The following RBFOX1 variants were observed in gnomAD, a reference collection of about 807,000 sequenced individuals.
RBFOX1 encodes the protein RNA binding fox-1 homolog 1.
Under a neutral mutation model 57.7 loss-of-function variants are expected in RBFOX1, and 8 were observed. The ratio of observed to expected loss-of-function variants is 0.14; its 90% confidence interval spans 0.08 to 0.25. RBFOX1 has a LOEUF of 0.25. Among genes scored for constraint, RBFOX1 ranks in the 10% least tolerant of loss-of-function variants. RBFOX1 has a pLI of 1.00. For synonymous variants in RBFOX1, 326 were observed against 222.4 expected (o/e 1.47, Z -4.15); for missense variants, 611 against 548.5 (o/e 1.11, Z -1.14).
At chr16:7,229,106 G>A (rs984215681) in intron 4 of RBFOX1, among the ~76,000 whole-genome samples, 1 of 152,098 alleles carries the variant, frequency 6.6e-6, no homozygotes. Flanking sequence ...CACTCTGAAA[G>A]GTCAGAACAA....
At chr16:6,536,592 G>A (rs566150411) in intron 2 of RBFOX1, among the ~76,000 whole-genome samples, 18 of 151,606 alleles carry the variant, frequency 1.2e-4, no homozygotes, top group Admixed American at 1.1e-3. Flanking sequence ...TTCTGTTCTT[G>A]AAGTGTGATA....
chr16:7,445,411 G>C (rs2098800399), intron 4 of RBFOX1, among the ~76,000 whole-genome samples: 1 of 152,146 alleles, frequency 6.6e-6, no homozygotes, highest in East Asian at 1.9e-4. Flanking sequence ...GGAAATGAAA[G>C]TAGGAATCAC....
chr16:7,566,731 A>C (rs902319440), intron 5 of RBFOX1, among the ~76,000 whole-genome samples: 4 of 152,130 alleles, frequency 2.6e-5, no homozygotes, highest in Admixed American at 2.6e-4. Flanking sequence ...ATTCAGCATC[A>C]GTGATAGCCG....
At chr16:6,413,255 G>A (rs2093520819) in intron 2 of RBFOX1, among the ~76,000 whole-genome samples, 1 of 150,514 alleles carries the variant, frequency 6.6e-6, no homozygotes. Context: ...GAAGGCAGAG[G>A]TTGTGGTGAG....
At chr16:6,827,284 G>T (rs548017092) in intron 3 of RBFOX1, among the ~76,000 whole-genome samples, 5 of 151,982 alleles carry the variant, frequency 3.3e-5, no homozygotes, top group East Asian at 3.9e-4. Flanking sequence ...GGTTGAAAGT[G>T]CTGTCCTCCA....
At chr16:7,507,233 C>G (rs570806060) in intron 4 of RBFOX1, among the ~76,000 whole-genome samples, 2 of 152,168 alleles carry the variant, frequency 1.3e-5, no homozygotes, top group Admixed American at 6.5e-5. Flanking sequence ...TATTTTTACC[C>G]CAATTCATAA....
chr16:5,772,653 C>A (rs1182397778), intron 3 of RBFOX1, among the ~76,000 whole-genome samples: 1 of 152,088 alleles, frequency 6.6e-6, no homozygotes, highest in Non-Finnish European at 1.5e-5. Flanking sequence ...CTGGAAGAAA[C>A]AGGCAGCTAG....
intron 14 of RBFOX1, among the ~76,000 whole-genome samples, chr16:7,702,031 G>A (rs750691815): frequency 3.9e-5 from 6 of 152,286 alleles, no homozygotes; most frequent in South Asian, 2.1e-4. Context: ...CCTGCATAGT[G>A]CACTGAGATA....
At chr16:7,248,686 G>A (rs1481173922) in intron 4 of RBFOX1, among the ~76,000 whole-genome samples, 2 of 152,114 alleles carry the variant, frequency 1.3e-5, no homozygotes, top group Admixed American at 1.3e-4. Context: ...CTGCAGATAA[G>A]CACCAAGAAA....
intron 3 of RBFOX1, among the ~76,000 whole-genome samples, chr16:6,828,210 C>T (rs1014447154): frequency 1.3e-5 from 2 of 152,050 alleles, no homozygotes; most frequent in African/African-American, 2.4e-5. Flanking sequence ...AAGTGAGAAA[C>T]AATACAGGTA....
At chr16:7,050,416 C>A (rs2049634347) in intron 3 of RBFOX1, among the ~76,000 whole-genome samples, 1 of 152,018 alleles carries the variant, frequency 6.6e-6, no homozygotes, top group Admixed American at 6.6e-5. Flanking sequence ...CAGATGCCCA[C>A]CACCATGCCC....
intron 3 of RBFOX1, among the ~76,000 whole-genome samples, chr16:5,774,768 C>T (rs2054091948): frequency 1.3e-5 from 2 of 152,122 alleles, no homozygotes; most frequent in African/African-American, 2.4e-5. Flanking sequence ...CGGCAACTTC[C>T]ACCTCCCGAG....
chr16:7,073,104 G>C lies in RBFOX1; in HGVS notation c.27+21006G>C, dbSNP rs1465373973. Among the ~76,000 whole-genome samples, 4 of 152,190 alleles carry C rather than the reference G, an allele frequency of 2.6e-5. No homozygotes were observed. In the South Asian group the frequency reaches 6.2e-4, roughly 24 times the overall value. ...TTCAGTTGAGACTCCAGAAAGATCA[G>C]ACTTTAGGAGTAAAGTGTGTATCTT... On this transcript the variant is annotated intron_variant, in intron 4 of 15. Transcript: ENST00000550418.
rs933508600 is a variant in RBFOX1 at position 6,967,597 on chromosome 16, A to C, written c.-15-84460A>C. Among the ~76,000 whole-genome samples, 8 of 152,046 alleles carry C rather than the reference A, an allele frequency of 5.3e-5. 1 individual carries two copies. The highest frequency in any genetic ancestry group is 2.1e-4 in the South Asian group (1 of 4,800). ...TACATGTCATCAGCTTCTCTAGTTC[A>C]CCCTGCCCCTCAGTACTCAGTACAC... On this transcript the variant is annotated intron_variant, in intron 3 of 15. Coordinates refer to ENST00000550418, the MANE Select transcript of RBFOX1 (RefSeq NM_018723.4).
chr16:5,971,110 G>A (rs898188381), intron 4 of RBFOX1, among the ~76,000 whole-genome samples: 1 of 152,224 alleles, frequency 6.6e-6, no homozygotes, highest in Non-Finnish European at 1.5e-5. Flanking sequence ...GTATCCAGGT[G>A]TCCAGCTGTC....
chr16:7,272,907 C>A (rs952381663), intron 4 of RBFOX1, among the ~76,000 whole-genome samples: 1 of 136,442 alleles, frequency 7.3e-6, no homozygotes, highest in Non-Finnish European at 1.6e-5. Context: ...CTCCTTTCTT[C>A]CTCCCTCCCC....
intron 4 of RBFOX1, among the ~76,000 whole-genome samples, chr16:7,435,516 C>T (rs192186180): frequency 1.2e-4 from 19 of 152,262 alleles, no homozygotes; most frequent in South Asian, 2.1e-4. Context: ...TTGACACTTA[C>T]GGGTGAGGTG....
intron 4 of RBFOX1, among the ~76,000 whole-genome samples, chr16:5,925,030 C>G (rs927296760): frequency 1.3e-5 from 2 of 152,132 alleles, no homozygotes; most frequent in Non-Finnish European, 2.9e-5. Context: ...TATCTGATGC[C>G]TTTTAGCACA....
intron 3 of RBFOX1, among the ~76,000 whole-genome samples, chr16:6,777,551 T>A (rs781431285): frequency 6.6e-6 from 1 of 152,138 alleles, no homozygotes; most frequent in Non-Finnish European, 1.5e-5. Flanking sequence ...CTTTAGACCT[T>A]GCAGGCCTGT....
Sources: gnomAD v4.1 joint callset for allele counts (sites outside exome capture counted in the v4.1 genomes callset) on GRCh38, gnomAD v4.1.1 for gene constraint, MANE v1.5 for transcripts, NCBI Gene and HGNC (gene_info 2026-07-23, HGNC 2026-07-21) for gene names.